PDE2A: variants seen among roughly 807,000 people sequenced by gnomAD.
PDE2A encodes the protein phosphodiesterase 2A.
A neutral mutation model predicts 133.6 loss-of-function variants in PDE2A; 53 were observed. The ratio of observed to expected loss-of-function variants is 0.40; its 90% CI spans 0.32 to 0.50. PDE2A has a LOEUF of 0.50. PDE2A is among the 20% of genes least tolerant of loss of function. The pLI is 0.73. For synonymous variants in PDE2A, 491 were observed against 490.2 expected (o/e 1.00, Z -0.02); for missense variants, 796 against 1,232.4 (o/e 0.65, Z 5.30).
intron 1 of PDE2A, among the ~76,000 whole-genome samples, chr11:72,647,898 C>T (rs1207361845): frequency 6.6e-6 from 1 of 152,148 alleles, no homozygotes; most frequent in African/African-American, 2.4e-5. Flanking sequence ...TATAGCTGAA[C>T]TTATATGTGT....
chr11:72,620,452 A>C (rs760035896), intron 2 of PDE2A, among the ~76,000 whole-genome samples: 6 of 152,084 alleles, frequency 3.9e-5, no homozygotes, highest in African/African-American at 1.4e-4. Context: ...AGGCCCAGAG[A>C]GTAGCAGGGA....
Position 72,590,399 on chromosome 11 carries a change from T to C in PDE2A, c.703+28A>G. 1 of 1,585,038 alleles carries C rather than the reference T, an allele frequency of 6.3e-7. No individual in the cohort carries two copies. The highest frequency in any genetic ancestry group is 1.3e-5 in the African/African-American group (1 of 74,254). ...CTCCAAGTTCTGCCCGGCCCCGCCC[T>C]CGTGACCTGTCCAGGCCGGGCCCTC... On this transcript the variant is annotated intron_variant, in intron 8 of 30. Transcript: ENST00000334456. The surrounding 1 kb of genome is among the most constrained non-coding windows in gnomAD (Gnocchi z 4.8).
intron 2 of PDE2A, among the ~76,000 whole-genome samples, chr11:72,634,038 T>C (rs1267196514): frequency 6.6e-6 from 1 of 152,168 alleles, no homozygotes; most frequent in Non-Finnish European, 1.5e-5. Flanking sequence ...TTGGACTTGG[T>C]GATCTCCCAG....
At position 72,579,607 on chromosome 11, in the gene PDE2A, C is replaced by A; in HGVS notation, c.2183G>T (p.Arg728Met). 1 of 1,611,224 alleles carries A rather than the reference C, an allele frequency of 6.2e-7. No homozygotes were observed. Among genetic ancestry groups the A allele is most frequent in the Non-Finnish European group, 8.5e-7 (1 of 1,178,602 alleles). The part of the protein sequence containing the change: ...LYSSEGSVME[R>M]HHFAQAIAIL... The stretch of plus-strand genomic sequence containing the variant: ...GGCGATGGCCTGAGCAAAGTGGTGC[C>A]TCTGGGGGGAGAGGAGTGATGGGGG... Residue 728 changes from arginine (R) to methionine (M), a missense_variant and splice_region_variant, in exon 26 of 31, where the codon AGG (arginine) becomes ATG (methionine). This residue lies in a region of PDE2A where 218 missense variants were observed against 465.9 expected (regional missense o/e 0.47). Coordinates refer to ENST00000334456, the MANE Select transcript of PDE2A (RefSeq NM_002599.5).
intron 6 of PDE2A, among the ~76,000 whole-genome samples, chr11:72,593,208 TCA>T (rs1179448437): frequency 1.5e-5 from 2 of 137,448 alleles, no homozygotes; most frequent in African/African-American, 5.8e-5. Flanking sequence ...CACGGTGCAG[TCA>T]CAGACACAAA....
chr11:72,636,864 G>A (rs1385614816), intron 2 of PDE2A, among the ~76,000 whole-genome samples: 1 of 152,156 alleles, frequency 6.6e-6, no homozygotes, highest in Admixed American at 6.5e-5. Context: ...TGTCATATCC[G>A]TTCTCTCAAC....
At chr11:72,589,498 C>T (rs1167600105) in intron 11 of PDE2A, among the ~76,000 whole-genome samples, 2 of 152,186 alleles carry the variant, frequency 1.3e-5, no homozygotes, top group Non-Finnish European at 2.9e-5. Flanking sequence ...AGATCCATAT[C>T]CAGAAATACT....
chr11:72,657,356 G>A (rs976187956), intron 1 of PDE2A, among the ~76,000 whole-genome samples: 1 of 152,194 alleles, frequency 6.6e-6, no homozygotes, highest in Non-Finnish European at 1.5e-5. Flanking sequence ...AGGGATGGAG[G>A]AATGAAAAGA....
rs1185516576 is a variant in PDE2A at position 72,584,082 on chromosome 11, CTG to C, written c.1650+117_1650+118del. On this transcript the variant is annotated intron_variant, in intron 19 of 30. Transcript: ENST00000334456. ...AAGGCTGCACCCCAGCGGCGGGACT[CTG>C]AGTGCCAGACCAAGGGATCAATCCA... 3 of 640,084 alleles carry C rather than the reference CTG, an allele frequency of 4.7e-6. No individual in the cohort carries two copies. The African/African-American group carries it at 5.4e-5, about 12-fold the overall frequency. The allele number at this position is 640,084 out of a possible 1,614,324, so 39.7% of individuals were successfully genotyped here.
chr11:72,655,990 G>T (rs1304699743), intron 1 of PDE2A, among the ~76,000 whole-genome samples: 1 of 152,210 alleles, frequency 6.6e-6, no homozygotes, highest in African/African-American at 2.4e-5. Flanking sequence ...GCAAGGCTGT[G>T]TGGGGAGATG....
At chr11:72,600,301 A>C (rs1198136036) in intron 4 of PDE2A, among the ~76,000 whole-genome samples, 1 of 152,148 alleles carries the variant, frequency 6.6e-6, no homozygotes. Flanking sequence ...GGGTCCTATC[A>C]TCTTAGTGGC....
At chr11:72,610,979 G>A (rs1007565845) in intron 2 of PDE2A, among the ~76,000 whole-genome samples, 3 of 152,188 alleles carry the variant, frequency 2.0e-5, no homozygotes, top group African/African-American at 4.8e-5. Context: ...GATGCCCCCA[G>A]TACTCCCAAG....
At chr11:72,657,895 G>C (rs962565574) in intron 1 of PDE2A, 1 of 456,094 alleles carries the variant, frequency 2.2e-6, no homozygotes, top group African/African-American at 2.0e-5. Context: ...CTCAGTGAAG[G>C]CCATGATGGG....
At chr11:72,638,612 C>T (rs1356148404) in intron 2 of PDE2A, among the ~76,000 whole-genome samples, 2 of 152,196 alleles carry the variant, frequency 1.3e-5, no homozygotes, top group South Asian at 2.1e-4. Flanking sequence ...CCACCATGAC[C>T]CCGGCACTTA....
intron 2 of PDE2A, among the ~76,000 whole-genome samples, chr11:72,626,444 GCATTGTAGAGGC>G (rs1858072964): frequency 1.3e-5 from 2 of 152,220 alleles, no homozygotes; most frequent in South Asian, 4.1e-4. Flanking sequence ...GGGCCATGGG[GCATTGTAGAGGC>G]CACTGGCTCC....
intron 1 of PDE2A, among the ~76,000 whole-genome samples, chr11:72,651,834 A>G (rs565194178): frequency 1.7e-4 from 26 of 152,200 alleles, no homozygotes; most frequent in African/African-American, 5.1e-4. Flanking sequence ...GCCCAAGTCT[A>G]TCTCATCTCC....
intron 6 of PDE2A, among the ~76,000 whole-genome samples, chr11:72,595,834 C>G (rs904075210): frequency 6.6e-6 from 1 of 152,110 alleles, no homozygotes; most frequent in Non-Finnish European, 1.5e-5. Context: ...GGCAGAATCC[C>G]GTCCCCACAG....
At chr11:72,627,365 G>A (rs1858133166) in intron 2 of PDE2A, among the ~76,000 whole-genome samples, 1 of 152,224 alleles carries the variant, frequency 6.6e-6, no homozygotes, top group African/African-American at 2.4e-5. Flanking sequence ...AGTGCCCAGG[G>A]AAGGGAGGAG....
At chr11:72,615,225 C>T in intron 2 of PDE2A, 1 of 347,744 alleles carries the variant, frequency 2.9e-6, no homozygotes, top group Non-Finnish European at 6.8e-6. Flanking sequence ...ACAACCAGCT[C>T]CGCCCCGGCC....
Sources: gnomAD v4.1 joint callset for allele counts (sites outside exome capture counted in the v4.1 genomes callset) on GRCh38, gnomAD v4.1.1 for gene constraint, gnomAD v4.1.1 regional missense constraint, Gnocchi (gnomAD v3.1) non-coding constraint, MANE v1.5 for transcripts, NCBI Gene and HGNC (gene_info 2026-07-23, HGNC 2026-07-21) for gene names.